Variants in CORIN observed in about 807,000 individuals in gnomAD.
CORIN encodes the protein corin, serine peptidase, also known as atrial natriuretic peptide-converting enzyme.
Under a neutral mutation model 125.3 loss-of-function variants are expected in CORIN, and 117 were observed. That is an observed-to-expected ratio of 0.93 (90% CI 0.80 to 1.09). The LOEUF is 1.09. Among genes scored for constraint, CORIN ranks in the 50% least tolerant of loss-of-function variants. The pLI, the probability that CORIN is intolerant of heterozygous loss-of-function variation, is 0.00. For missense variants in CORIN, 1,253 were observed against 1,306.7 expected, an observed-to-expected ratio of 0.96 and a Z score of 0.63; for synonymous variants, 450 against 466.4, an observed-to-expected ratio of 0.96 and a Z score of 0.45.
At chr4:47,654,023 C>T (rs1723853058) in intron 12 of CORIN, among the ~76,000 whole-genome samples, 1 of 152,212 alleles carries the variant, frequency 6.6e-6, no homozygotes, top group South Asian at 2.1e-4. Flanking sequence ...ATCTTTCCAC[C>T]TAGTCCACAA....
intron 5 of CORIN, among the ~76,000 whole-genome samples, chr4:47,703,429 A>T (rs1051381276): frequency 6.6e-6 from 1 of 152,228 alleles, no homozygotes; most frequent in African/African-American, 2.4e-5. Flanking sequence ...ACACCCTGAT[A>T]TCCACACTAA....
intron 12 of CORIN, among the ~76,000 whole-genome samples, chr4:47,655,172 C>G (rs1450185742): frequency 6.6e-6 from 1 of 151,728 alleles, no homozygotes; most frequent in Non-Finnish European, 1.5e-5. Context: ...AGTAGCAGTA[C>G]TCAGGCAGTA....
At chr4:47,778,911 A>G (rs1426552454) in intron 3 of CORIN, among the ~76,000 whole-genome samples, 1 of 152,142 alleles carries the variant, frequency 6.6e-6, no homozygotes, top group East Asian at 1.9e-4. Flanking sequence ...GGTACCAACA[A>G]AATATTTTTT....
chr4:47,762,395 A>G (rs1328914266), intron 4 of CORIN, among the ~76,000 whole-genome samples: 1 of 152,240 alleles, frequency 6.6e-6, no homozygotes, highest in East Asian at 1.9e-4. Flanking sequence ...TTTAATTCAG[A>G]AAATAATTGA....
rs1167231968 is a variant in CORIN at position 47,807,032 on chromosome 4, C to A, written c.79G>T (p.Asp27Tyr). ...GAGCAGCCATTGCCCATGTTATTGTCATCAGCTCTCAAGACCTAAAGTAAA... is the reference window on the plus strand; with the variant it reads ...GAGCAGCCATTGCCCATGTTATTGTAATCAGCTCTCAAGACCTAAAGTAAA... The part of the protein sequence containing the change: ...GSPKPVLRAD[D>Y]NNMGNGCSQK... The change falls in exon 2 of 22, where the codon GAC becomes TAC. Residue 27 changes from aspartate (D) to tyrosine (Y), a missense_variant. Asp to Tyr is a radical substitution (Grantham distance 160). Coordinates refer to ENST00000273857, the MANE Select transcript of CORIN (RefSeq NM_006587.4). 1 of 1,611,800 alleles carries A rather than the reference C, an allele frequency of 6.2e-7. No homozygotes were observed. The highest frequency in any genetic ancestry group is 1.7e-5 in the Admixed American group (1 of 59,292).
chr4:47,782,887 A>G (rs1274372952), intron 3 of CORIN, among the ~76,000 whole-genome samples: 1 of 152,050 alleles, frequency 6.6e-6, no homozygotes, highest in Non-Finnish European at 1.5e-5. Flanking sequence ...TTTGGCCAGG[A>G]GCTGAGGGAA....
chr4:47,710,550 A>AC (rs1421041319), intron 5 of CORIN, among the ~76,000 whole-genome samples: 1 of 152,110 alleles, frequency 6.6e-6, no homozygotes, highest in Non-Finnish European at 1.5e-5. Flanking sequence ...GACTTTGGGG[A>AC]CAAACAGCCA....
chr4:47,696,957 C>CT (rs1041893618), intron 5 of CORIN, among the ~76,000 whole-genome samples: 3 of 152,150 alleles, frequency 2.0e-5, no homozygotes, highest in Non-Finnish European at 2.9e-5. Context: ...CTTGCCCTGT[C>CT]TTTGAGTCCT....
At chr4:47,821,885 C>T (rs1031150595) in intron 1 of CORIN, among the ~76,000 whole-genome samples, 1 of 152,256 alleles carries the variant, frequency 6.6e-6, no homozygotes, top group Admixed American at 6.5e-5. Context: ...ATGTTTAATA[C>T]TTGCCTAGCT....
chr4:47,757,027 TAA>T (rs750859435), intron 4 of CORIN, among the ~76,000 whole-genome samples: 20 of 152,340 alleles, frequency 1.3e-4, no homozygotes, highest in South Asian at 1.2e-3. Flanking sequence ...ATTTTTAAAT[TAA>T]GTTTTAAATA....
At chr4:47,649,820 T>C (rs564085880) in intron 13 of CORIN, among the ~76,000 whole-genome samples, 4 of 152,350 alleles carry the variant, frequency 2.6e-5, no homozygotes, top group African/African-American at 9.6e-5. Flanking sequence ...AAATCAATCC[T>C]GAAAATTCCT....
intron 12 of CORIN, among the ~76,000 whole-genome samples, chr4:47,660,473 C>T (rs1455454270): frequency 6.6e-6 from 1 of 152,074 alleles, no homozygotes; most frequent in Admixed American, 6.6e-5. Context: ...TCAAACAACT[C>T]TATACAAAAA....
intron 3 of CORIN, among the ~76,000 whole-genome samples, chr4:47,769,584 G>GA (rs1381678094): frequency 6.6e-6 from 1 of 151,846 alleles, no homozygotes; most frequent in Non-Finnish European, 1.5e-5. Flanking sequence ...TGAGCGAAAA[G>GA]AAAACTGAAG....
At chr4:47,634,339 A>G (rs887401735) in intron 16 of CORIN, among the ~76,000 whole-genome samples, 5 of 152,210 alleles carry the variant, frequency 3.3e-5, no homozygotes, top group African/African-American at 4.8e-5. Context: ...CCCAGGTCCA[A>G]TCAAAATAAA....
chr4:47,623,917 G>A lies in CORIN; in HGVS notation c.2347C>T (p.Leu783Phe), dbSNP rs1229319162. The change falls in exon 18 of 22, where the codon CTT (leucine) becomes TTT (phenylalanine). Residue 783 changes from leucine (L) to phenylalanine (F), a missense_variant. Leu to Phe is a conservative substitution (Grantham distance 22). Transcript: ENST00000273857. ...CTCTCACCTTGTTTAGTACACAGAA[G>A]AGAAATTTTACTTCTGCTCTCACAA... Reference protein sequence around the residue: ...QSCESRSKISLLCTKQDCGRR... With the variant: ...QSCESRSKISFLCTKQDCGRR... 6.8e-6 allele frequency: 11 copies of A among 1,613,700 alleles called. No homozygotes were observed. The highest frequency in any genetic ancestry group is 9.3e-6 in the Non-Finnish European group (11 of 1,179,746).
chr4:47,679,033 A>G (rs1725146731), intron 8 of CORIN, among the ~76,000 whole-genome samples: 2 of 152,256 alleles, frequency 1.3e-5, no homozygotes, highest in South Asian at 4.1e-4. Flanking sequence ...TTTTGCCTCA[A>G]ATTATAAGCC....
At chr4:47,816,794 C>A (rs971705160) in intron 1 of CORIN, among the ~76,000 whole-genome samples, 1 of 152,038 alleles carries the variant, frequency 6.6e-6, no homozygotes, top group Non-Finnish European at 1.5e-5. Flanking sequence ...TATTTGGCAT[C>A]CCTGGCCACC....
intron 5 of CORIN, among the ~76,000 whole-genome samples, chr4:47,730,292 G>A (rs1487664442): frequency 6.6e-6 from 1 of 152,052 alleles, no homozygotes; most frequent in Non-Finnish European, 1.5e-5. Flanking sequence ...GGCCAATATG[G>A]TGAAACCCCA....
At chr4:47,749,120 GA>G (rs572165815) in intron 4 of CORIN, among the ~76,000 whole-genome samples, 124 of 144,122 alleles carry the variant, frequency 8.6e-4, no homozygotes, top group African/African-American at 2.7e-3. Flanking sequence ...TTTTTCATGA[GA>G]AAAAAAAAAA....
Sources: allele counts gnomAD v4.1 joint callset (sites outside exome capture counted in the v4.1 genomes callset), GRCh38; gene constraint gnomAD v4.1.1; transcripts MANE v1.5; gene names NCBI Gene and HGNC (gene_info 2026-07-23, HGNC 2026-07-21).